Variants in AFP observed in about 807,000 individuals in gnomAD.
The protein encoded by AFP is alpha fetoprotein.
AFP carries 64 observed loss-of-function variants against 78.9 expected under a neutral mutation model. That is an observed-to-expected ratio of 0.81 (90% confidence interval 0.66 to 1.00). The LOEUF (loss-of-function observed/expected upper bound fraction) is 1.00, where lower values mean the gene tolerates loss of function less well. Among genes scored for constraint, AFP ranks in the 50% least tolerant of loss-of-function variants. AFP has a pLI of 0.00. For missense variants in AFP, 689 were observed against 703.8 expected (o/e 0.98, Z 0.24); for synonymous variants, 254 against 243.8 (o/e 1.04, Z -0.39).
Position 73,452,539 on chromosome 4 carries a change from C to T in AFP, c.1567C>T (p.Pro523Ser). The T allele has an allele frequency of 1.2e-6, 2 of 1,614,044 alleles. No homozygotes were observed. The highest frequency in any genetic ancestry group is 1.7e-6 in the Non-Finnish European group (2 of 1,179,958). Residue 523 changes from proline to serine, a missense_variant, in exon 12 of 15, where the codon CCT (proline) becomes TCT (serine). By Grantham distance (74) the Pro-to-Ser change is moderately conservative (BLOSUM62 -1). Transcript: ENST00000395792. Reference sequence around the variant, plus strand: ...CTTGGTGGTGGATGAAACATATGTCCCTCCTGCATTCTCTGATGACAAGTT... The same window carrying T: ...CTTGGTGGTGGATGAAACATATGTCTCTCCTGCATTCTCTGATGACAAGTT... ...SSLVVDETYV[P>S]PAFSDDKFIF...
chr4:73,440,999 A>G (rs886147149), intron 4 of AFP, among the ~76,000 whole-genome samples, 186 bp downstream of exon 4: 1 of 152,196 alleles, frequency 6.6e-6, no homozygotes, highest in Non-Finnish European at 1.5e-5. Context: ...TGGTTTCCAT[A>G]GCACGCTAGA....
chr4:73,440,858 C>T, intron 4 of AFP, 45 bp downstream of exon 4: 1 of 1,537,664 alleles, frequency 6.5e-7, no homozygotes, highest in African/African-American at 1.4e-5. Flanking sequence ...AGAAACACAG[C>T]AATGGCAAGC....
chr4:73,454,358 T>C (rs1019057793), intron 13 of AFP, among the ~76,000 whole-genome samples: 6 of 152,080 alleles, frequency 3.9e-5, no homozygotes, highest in African/African-American at 1.4e-4. Flanking sequence ...TTATTTTAAT[T>C]ACATAGTAAT....
intron 3 of AFP, among the ~76,000 whole-genome samples, chr4:73,439,875 G>A (rs1719610831): frequency 6.6e-6 from 1 of 151,800 alleles, no homozygotes; most frequent in Admixed American, 6.6e-5. Flanking sequence ...TTATTGTCTT[G>A]TAAGGATGGC....
intron 11 of AFP, 129 bp from the exon 12 acceptor site, chr4:73,452,272 A>C: frequency 3.8e-6 from 3 of 784,626 alleles, no homozygotes; most frequent in Non-Finnish European, 6.5e-6. Flanking sequence ...CTACATAGCA[A>C]ATTTTCCTGT....
At chr4:73,451,994 G>A (rs987884464) in intron 11 of AFP, among the ~76,000 whole-genome samples, 4 of 152,126 alleles carry the variant, frequency 2.6e-5, no homozygotes, top group African/African-American at 7.2e-5. Context: ...TGAATAAAAG[G>A]GGTAAGTTTG....
chr4:73,455,774 T>A lies in AFP; in HGVS notation c.*154T>A. On this transcript the variant is annotated 3_prime_UTR_variant, in exon 15 of 15. Transcript: ENST00000395792. ...ATCACAGAAATAAAATATCTCCAAA[T>A]GTTTCCTTTTCCAAGTTTGCTTATT... The A allele has an allele frequency of 1.6e-6, 1 of 634,318 alleles. No homozygotes were observed. Among genetic ancestry groups the A allele is most frequent in the East Asian group, 2.8e-5 (1 of 35,608 alleles). The allele number at this position is 634,318 out of a possible 1,614,324, so 39.3% of individuals were successfully genotyped here.
intron 1 of AFP, 94 bp from the exon 2 acceptor site, chr4:73,437,066 G>C (rs904291750): frequency 6.2e-6 from 6 of 973,084 alleles, no homozygotes; most frequent in Non-Finnish European, 9.9e-6. Flanking sequence ...AAACTGTACA[G>C]TTCTAACTGA....
In AFP at chr4:73,450,753, G is replaced by T; in HGVS notation, c.1428G>T (p.Ala476=). Residue 476 remains alanine (A), a splice_region_variant and synonymous_variant, in exon 11 of 15, where the codon GCG becomes GCT. Transcript: ENST00000395792. ...EDKLLACGEG[A]ADIIIGHLCI... ...AACTATTGGCCTGTGGCGAGGGAGC[G>T]GTGAGTGTCTGCTTGGTTTGGTCCC... 1 of 1,614,004 alleles carries T rather than the reference G, an allele frequency of 6.2e-7. No individual in the cohort carries two copies. Among genetic ancestry groups the T allele is most frequent in the Non-Finnish European group, 8.5e-7 (1 of 1,179,990 alleles).
intron 9 of AFP, 98 bp from the exon 10 acceptor site, chr4:73,449,938 A>T: frequency 1.3e-6 from 1 of 761,776 alleles, no homozygotes; most frequent in Non-Finnish European, 2.2e-6. Context: ...AACATCTCTG[A>T]TTGGTTTTAT....
In AFP at chr4:73,447,573, AATG is replaced by A. The variant is rs745393842; in HGVS notation, c.960_962del (p.Asp320del). The A allele has an allele frequency of 1.3e-5, 21 of 1,612,716 alleles. No individual in the cohort carries two copies. The highest frequency in any genetic ancestry group is 1.7e-5 in the Non-Finnish European group (20 of 1,179,742). ...TGGTCAATGTATAATTCATGCAGAA[AATG>A]ATGAAAAACCTGAAGGTCTATCTCC... On this transcript the variant is annotated inframe_deletion, in exon 8 of 15. Transcript: ENST00000395792.
At position 73,452,391 on chromosome 4, in the gene AFP, T is replaced by C. The variant is rs1399965985; in HGVS notation, c.1429-10T>C. On this transcript the variant is annotated splice_polypyrimidine_tract_variant and intron_variant, in intron 11 of 14. Transcript: ENST00000395792. ...ATCTCCTTACTTTTTTTTCTCATTCTCCTAACCAGGCTGACATTATTATCG... is the reference window on the plus strand; with the variant it reads ...ATCTCCTTACTTTTTTTTCTCATTCCCCTAACCAGGCTGACATTATTATCG... The C allele has an allele frequency of 6.2e-7, 1 of 1,612,842 alleles. No homozygotes were observed. The highest frequency in any genetic ancestry group is 1.3e-5 in the African/African-American group (1 of 74,996).
rs1719635722 is a variant in AFP at position 73,440,738 on chromosome 4, T to A, written c.407T>A (p.Ile136Asn). The change falls in exon 4 of 15, where the codon ATC becomes AAC. Residue 136 changes from isoleucine to asparagine, a missense_variant. Coordinates refer to ENST00000395792, the MANE Select transcript of AFP (RefSeq NM_001134.3). ...CACAAAAAGCCCACTCCAGCATCGA[T>A]CCCACTTTTCCAAGTTCCAGAACCT... ...LAHKKPTPAS[I>N]PLFQVPEPVT... 3 of 1,614,128 alleles carry A rather than the reference T, an allele frequency of 1.9e-6. No homozygotes were observed. Among genetic ancestry groups the A allele is most frequent in the Non-Finnish European group, 2.5e-6 (3 of 1,180,030 alleles).
chr4:73,449,407 C>A lies in AFP; in HGVS notation c.1131C>A (p.Tyr377Ter). Reference sequence around the variant, plus strand: ...TAATTCTAAGAGTTGCTAAAGGATACCAGGAGTTATTGGAGAAGTGTTTCC... The same window carrying A: ...TAATTCTAAGAGTTGCTAAAGGATAACAGGAGTTATTGGAGAAGTGTTTCC... ...VSVILRVAKG[Y>*]QELLEKCFQT... Residue 377 changes from tyrosine (Y) to a stop codon, truncating the protein, a stop_gained, in exon 9 of 15, where the codon TAC (tyrosine) becomes TAA (stop). Coordinates refer to ENST00000395792, the MANE Select transcript of AFP (RefSeq NM_001134.3). LOFTEE classifies it high-confidence loss of function. 6.2e-7 allele frequency: 1 copy of A among 1,613,396 alleles called. No homozygotes were observed. Among genetic ancestry groups the A allele is most frequent in the South Asian group, 1.1e-5 (1 of 91,058 alleles).
At chr4:73,443,511 C>G in intron 6 of AFP, 67 bp downstream of exon 6, 1 of 1,269,766 alleles carries the variant, frequency 7.9e-7, no homozygotes, top group Non-Finnish European at 1.2e-6. Context: ...AATTTGGGTT[C>G]GTTTTTTTAA....
intron 1 of AFP, 97 bp from the exon 2 acceptor site, chr4:73,437,063 A>T: frequency 1.1e-6 from 1 of 926,152 alleles, no homozygotes; most frequent in Non-Finnish European, 1.8e-6. Flanking sequence ...CTGAAACTGT[A>T]CAGTTCTAAC....
intron 7 of AFP, among the ~76,000 whole-genome samples, chr4:73,445,774 G>T (rs1274286997): frequency 2.6e-5 from 4 of 152,184 alleles, no homozygotes; most frequent in African/African-American, 9.7e-5. Flanking sequence ...CGGAGAATTA[G>T]AAAACAAAAT....
At position 73,455,000 on chromosome 4, in the gene AFP, T is replaced by C. The variant is rs550454004; in HGVS notation, c.1786-236T>C. The stretch of plus-strand genomic sequence containing the variant: ...GTAATTTGTAGAGGAAGGGGAAAGA[T>C]TGAGAATACGCATTGATTTGGAGAT... On this transcript the variant is annotated intron_variant, in intron 13 of 14. Coordinates refer to ENST00000395792, the MANE Select transcript of AFP (RefSeq NM_001134.3). Among the ~76,000 whole-genome samples, 3 of 152,266 alleles carry C rather than the reference T, an allele frequency of 2.0e-5. No individual in the cohort carries two copies. The South Asian group carries it at 6.2e-4, about 32-fold the overall frequency.
Position 73,436,281 on chromosome 4 carries a change from A to G in AFP, c.19A>G (p.Ile7Val). The change falls in exon 1 of 15, where the codon ATT (isoleucine) becomes GTT (valine). Residue 7 changes from isoleucine (I) to valine (V), a missense_variant. Transcript: ENST00000395792. Reference protein sequence around the residue: MKWVESIFLIFLLNFTE... With the variant: MKWVESVFLIFLLNFTE... ...AGCAACCATGAAGTGGGTGGAATCA[A>G]TTTTTTTAATTTTCCTACTAAATTT... 1 of 1,601,890 alleles carries G rather than the reference A, an allele frequency of 6.2e-7. No individual in the cohort carries two copies. Among genetic ancestry groups the G allele is most frequent in the Non-Finnish European group, 8.5e-7 (1 of 1,170,408 alleles).
Sources: allele counts gnomAD v4.1 joint callset (sites outside exome capture counted in the v4.1 genomes callset), GRCh38; gene constraint gnomAD v4.1.1; transcripts MANE v1.5; gene names NCBI Gene and HGNC (gene_info 2026-07-23, HGNC 2026-07-21).